Variants in AFF3 observed in about 807,000 individuals in gnomAD.
The protein encoded by AFF3 is ALF transcription elongation factor 3.
AFF3 carries 32 observed loss-of-function variants against 129.7 expected under a neutral mutation model. That is an observed-to-expected ratio of 0.25 (90% CI 0.19 to 0.33). AFF3 has a LOEUF of 0.33. Among genes scored for constraint, AFF3 ranks in the 10% least tolerant of loss-of-function variants. AFF3 has a pLI of 1.00. For missense variants in AFF3, 1,373 were observed against 1,592.0 expected (o/e 0.86, Z 2.34); for synonymous variants, 644 against 635.4 (o/e 1.01, Z -0.20).
chr2:99,891,089 A>C (rs1156494250), intron 7 of AFF3, among the ~76,000 whole-genome samples: 1 of 152,114 alleles, frequency 6.6e-6, no homozygotes, highest in Non-Finnish European at 1.5e-5. Context: ...AGCCAGGGAG[A>C]AAAGTGGGCA....
At chr2:99,805,983 C>T (rs1286710850) in intron 8 of AFF3, among the ~76,000 whole-genome samples, 1 of 151,870 alleles carries the variant, frequency 6.6e-6, no homozygotes, top group South Asian at 2.1e-4. Flanking sequence ...AGATCATTCT[C>T]AAATGACAAC....
chr2:99,776,946 A>G (rs978438540), intron 8 of AFF3, among the ~76,000 whole-genome samples: 5 of 152,190 alleles, frequency 3.3e-5, no homozygotes, highest in African/African-American at 1.2e-4. Context: ...CGAGCATGTC[A>G]AGGGGCACAG....
chr2:99,750,664 G>A (rs1052397569), intron 9 of AFF3, among the ~76,000 whole-genome samples: 7 of 152,004 alleles, frequency 4.6e-5, no homozygotes, highest in Non-Finnish European at 8.8e-5. Context: ...CAATCCTCCT[G>A]CCTTGGCCTC....
chr2:99,788,035 C>A (rs1188469099), intron 8 of AFF3, among the ~76,000 whole-genome samples: 1 of 152,158 alleles, frequency 6.6e-6, no homozygotes, highest in Non-Finnish European at 1.5e-5. Context: ...ATTGTAATGT[C>A]ACAGTGTAAC....
At chr2:99,659,256 G>A (rs1686019882) in intron 12 of AFF3, among the ~76,000 whole-genome samples, 1 of 152,176 alleles carries the variant, frequency 6.6e-6, no homozygotes, top group Admixed American at 6.5e-5. Flanking sequence ...TGGTTCCTGG[G>A]ACTGAGTTTT....
intron 13 of AFF3, among the ~76,000 whole-genome samples, chr2:99,611,690 C>G (rs999998667): frequency 2.6e-5 from 4 of 152,096 alleles, no homozygotes; most frequent in Admixed American, 2.6e-4. Flanking sequence ...AGTTCGAGAG[C>G]AGCCTGGCCA....
intron 4 of AFF3, among the ~76,000 whole-genome samples, chr2:100,084,193 A>AT (rs1359759678): frequency 2.6e-5 from 4 of 152,264 alleles, no homozygotes; most frequent in Non-Finnish European, 5.9e-5. Flanking sequence ...CATTTAGTCA[A>AT]TAAACACTCG....
intron 13 of AFF3, among the ~76,000 whole-genome samples, chr2:99,625,706 A>G (rs1011401768): frequency 6.6e-6 from 1 of 152,234 alleles, no homozygotes; most frequent in Non-Finnish European, 1.5e-5. Flanking sequence ...TGCCAAAGCT[A>G]TTTAAAAAGC....
At chr2:99,844,439 T>TTC (rs1558907589) in intron 7 of AFF3, among the ~76,000 whole-genome samples, 3 of 116,692 alleles carry the variant, frequency 2.6e-5, no homozygotes, top group East Asian at 2.2e-4. Context: ...CTTTTCTTTT[T>TTC]TTTTTTTTTT....
chr2:100,061,861 G>GGGC (rs1553515754), intron 4 of AFF3, among the ~76,000 whole-genome samples: 2 of 151,190 alleles, frequency 1.3e-5, no homozygotes, highest in East Asian at 3.9e-4. Flanking sequence ...CAGTGGAGGG[G>GGGC]GGGGGGGTGC....
intron 7 of AFF3, among the ~76,000 whole-genome samples, chr2:99,895,943 C>T (rs954723597): frequency 4.6e-5 from 7 of 151,874 alleles, no homozygotes; most frequent in African/African-American, 1.5e-4. Context: ...GTGGCACACG[C>T]CTGTAGTCCC....
At chr2:99,935,906 C>A (rs946944119) in intron 7 of AFF3, among the ~76,000 whole-genome samples, 1 of 152,132 alleles carries the variant, frequency 6.6e-6, no homozygotes, top group Admixed American at 6.5e-5. Context: ...AGACCGTCTA[C>A]GTGAAACAAT....
Position 99,752,266 on chromosome 2 carries a change from T to G in AFF3, c.957A>C (p.Gln319His). The G allele has an allele frequency of 1.9e-6, 3 of 1,614,048 alleles. No homozygotes were observed. The highest frequency in any genetic ancestry group is 2.5e-6 in the Non-Finnish European group (3 of 1,179,952). ...TGGTTGGTTCCACTTTGCCAGGTGC[T>G]TGAATAGCAGAAAGTGGTGGAAGCC... is the stretch of plus-strand genomic sequence containing the variant. ...MTWLPPLSAIQAPGKVEPTKF... is the reference protein window; with the variant it reads ...MTWLPPLSAIHAPGKVEPTKF... The change falls in exon 9 of 25, where the codon CAA (glutamine) becomes CAC (histidine). Residue 319 changes from glutamine (Q) to histidine (H), a missense_variant. Physicochemically the swap from Gln to His is conservative, Grantham distance 24. Around this residue, in one of 9 missense-constraint regions of AFF3, gnomAD observed 413 missense variants for 424.4 expected, o/e 0.97. Transcript: ENST00000672756.
intron 1 of AFF3, among the ~76,000 whole-genome samples, chr2:100,129,697 T>C (rs891030230): frequency 9.9e-5 from 15 of 152,196 alleles, no homozygotes; most frequent in Non-Finnish European, 1.8e-4. Context: ...TAAAAACAGC[T>C]AATTTTTACT....
intron 18 of AFF3, among the ~76,000 whole-genome samples, chr2:99,570,748 T>C (rs536440281): frequency 6.6e-6 from 1 of 152,344 alleles, no homozygotes; most frequent in South Asian, 2.1e-4. Flanking sequence ...ACGAAGGCCC[T>C]TGACCAAAGT....
Position 100,104,426 on chromosome 2 carries a change from T to A in AFF3, c.29A>T (p.Gln10Leu). The A allele has an allele frequency of 7.7e-7, 1 of 1,291,916 alleles. No homozygotes were observed. The highest frequency in any genetic ancestry group is 1.0e-6 in the Non-Finnish European group (1 of 995,426). The allele number at this position is 1,291,916 out of a possible 1,614,324, so 80.0% of individuals were successfully genotyped here. ...CCACAGTGACTCGAGGTCCCATTCC[T>A]GGAGCAGGGCTAAGTCGAAGCTGTC... MDSFDLALL[Q>L]EWDLESLCVY... Residue 10 changes from glutamine to leucine, a missense_variant, in exon 4 of 25, where the codon CAG (glutamine) becomes CTG (leucine). Gln to Leu is a moderately radical substitution (Grantham distance 113). Around this residue, in one of 9 missense-constraint regions of AFF3, gnomAD observed 5 missense variants for 19.4 expected, o/e 0.26. Coordinates refer to ENST00000672756, the MANE Select transcript of AFF3 (RefSeq NM_001386135.1).
chr2:99,736,825 G>C (rs532096798), intron 10 of AFF3, among the ~76,000 whole-genome samples: 1 of 151,994 alleles, frequency 6.6e-6, no homozygotes, highest in East Asian at 1.9e-4. Flanking sequence ...GGCCAGGCTT[G>C]TCTCGAACTC....
intron 2 of AFF3, among the ~76,000 whole-genome samples, chr2:100,114,932 G>C (rs1691679107): frequency 6.6e-6 from 1 of 152,224 alleles, no homozygotes; most frequent in Non-Finnish European, 1.5e-5. Context: ...TACGTGATTG[G>C]GGTGGAAATG....
intron 13 of AFF3, among the ~76,000 whole-genome samples, chr2:99,631,294 G>A (rs12471490): frequency 0.16 from 24,626 of 152,130 alleles, 2,487 homozygotes; most frequent in South Asian, 0.29. Flanking sequence ...TCCAGACAAT[G>A]TCCTTTAAAT....
Sources: gnomAD v4.1 joint callset for allele counts (sites outside exome capture counted in the v4.1 genomes callset) on GRCh38, gnomAD v4.1.1 for gene constraint, gnomAD v4.1.1 regional missense constraint, MANE v1.5 for transcripts, NCBI Gene and HGNC (gene_info 2026-07-23, HGNC 2026-07-21) for gene names.